Variants in BRIP1 observed in about 807,000 individuals in gnomAD.
The protein encoded by BRIP1 is BRCA1 interacting DNA helicase 1.
BRIP1 carries 88 observed loss-of-function variants against 119.7 expected under a neutral mutation model. The observed-to-expected ratio is 0.74, with a 90% CI of 0.62 to 0.88. The LOEUF (loss-of-function observed/expected upper bound fraction) is 0.88, where lower values mean the gene tolerates loss of function less well. Ranked by LOEUF, BRIP1 falls within the 40% of genes least tolerant of loss-of-function variation. The pLI is 0.00. For synonymous variants in BRIP1, 443 were observed against 496.5 expected (o/e 0.89, Z 1.43); for missense variants, 1,259 against 1,455.4 (o/e 0.87, Z 2.20).
chr17:61,841,772 G>A lies in BRIP1; in HGVS notation c.627+5329C>T, dbSNP rs191509726. The stretch of plus-strand genomic sequence containing the variant: ...ATCTCACCACAGTCTGAAACTCCTA[G>A]AGTCAAGTGATCGCCCATGCCTCAG... On this transcript the variant is annotated intron_variant, in intron 6 of 19. Coordinates refer to ENST00000259008, the MANE Select transcript of BRIP1 (RefSeq NM_032043.3). This position sits in a 1 kb window ranked among gnomAD's most constrained non-coding sequence, Gnocchi z 4.1. Among the ~76,000 whole-genome samples, 565 of 152,222 alleles carry A rather than the reference G, an allele frequency of 3.7e-3. 6 individuals are homozygous for A. Among genetic ancestry groups the A allele is most frequent in the African/African-American group, 0.013 (547 of 41,534 alleles).
rs765476834 is a variant in BRIP1, at chr17:61,832,022, G to C, written c.627+15079C>G. On this transcript the variant is annotated intron_variant, in intron 6 of 19. Coordinates refer to ENST00000259008, the MANE Select transcript of BRIP1 (RefSeq NM_032043.3). The surrounding 1 kb of genome is among the most constrained non-coding windows in gnomAD (Gnocchi z 5.5). Reference sequence around the variant, plus strand: ...TATTCTCTAGCTGTCTGCTGAAAGGGCCTGGAGCAGCAACTCCAACAGCAA... The same window carrying C: ...TATTCTCTAGCTGTCTGCTGAAAGGCCCTGGAGCAGCAACTCCAACAGCAA... Among the ~76,000 whole-genome samples, 2 of 152,260 alleles carry C rather than the reference G, an allele frequency of 1.3e-5. No individual in the cohort carries two copies. Among genetic ancestry groups the C allele is most frequent in the Non-Finnish European group, 2.9e-5 (2 of 68,032 alleles).
rs912423797 is a variant in BRIP1, at chr17:61,713,818, C to T, written c.2492+2133G>A. 6.6e-6 allele frequency among the ~76,000 whole-genome samples: 1 copy of T among 151,432 alleles called. No homozygotes were observed. The highest frequency in any genetic ancestry group is 1.9e-4 in the East Asian group (1 of 5,142). ...TTACAGGCTTCAGCTATTGCGCTCC[C>T]CATGTCTTCATTTTTAACAGAAAAG... On this transcript the variant is annotated intron_variant, in intron 17 of 19. Transcript: ENST00000259008. The surrounding 1 kb of genome is among the most constrained non-coding windows in gnomAD (Gnocchi z 4.9).
chr17:61,772,731 T>C (rs2077474654), intron 14 of BRIP1, among the ~76,000 whole-genome samples: 1 of 142,530 alleles, frequency 7.0e-6, no homozygotes, highest in Non-Finnish European at 1.5e-5. Flanking sequence ...GGCAGGAGAA[T>C]CACTTGAACC....
intron 17 of BRIP1, among the ~76,000 whole-genome samples, chr17:61,696,903 G>A (rs528905183): frequency 5.6e-5 from 8 of 142,770 alleles, no homozygotes; most frequent in African/African-American, 1.3e-4. Flanking sequence ...GGAGAATGGC[G>A]TGAACCTGGG....
chr17:61,855,911 G>T (rs2078890088), intron 4 of BRIP1, among the ~76,000 whole-genome samples: 2 of 152,190 alleles, frequency 1.3e-5, no homozygotes, highest in South Asian at 4.1e-4. Context: ...TAAAGGAAAG[G>T]TACACAAGGA....
rs2061599930 is a variant in BRIP1 at position 61,700,644 on chromosome 17, C to T, written c.2493-7132G>A. 6.6e-6 allele frequency among the ~76,000 whole-genome samples: 1 copy of T among 152,120 alleles called. No homozygotes were observed. The highest frequency in any genetic ancestry group is 1.5e-5 in the Non-Finnish European group (1 of 68,020). On this transcript the variant is annotated intron_variant, in intron 17 of 19. Coordinates refer to ENST00000259008, the MANE Select transcript of BRIP1 (RefSeq NM_032043.3). The surrounding 1 kb of genome is among the most constrained non-coding windows in gnomAD (Gnocchi z 4.1). ...AGATAGGAATCTCCCTGAGTTCATC[C>T]TACTTGGAGTTCGCTTATCTTCTTG...
At chr17:61,786,629 CTAAT>C (rs985362087) in intron 10 of BRIP1, among the ~76,000 whole-genome samples, 6 of 145,444 alleles carry the variant, frequency 4.1e-5, no homozygotes, top group South Asian at 2.1e-4. Context: ...TTTAACAGCT[CTAAT>C]TAATTTTTTA....
At position 61,736,890 on chromosome 17, in the gene BRIP1, G is replaced by C. The variant is rs1233681257; in HGVS notation, c.2379+6123C>G. Among the ~76,000 whole-genome samples the C allele has an allele frequency of 6.6e-6, 1 of 152,126 alleles. No homozygotes were observed. Among genetic ancestry groups the C allele is most frequent in the African/African-American group, 2.4e-5 (1 of 41,434 alleles). ...TAACTGCAGGTGAATACTACAATAT[G>C]CTTTTGAATTGCAATTCCTCTGTTT... On this transcript the variant is annotated intron_variant, in intron 16 of 19. Transcript: ENST00000259008. This position sits in a 1 kb window ranked among gnomAD's most constrained non-coding sequence, Gnocchi z 4.4.
chr17:61,859,358 T>C lies in BRIP1; in HGVS notation c.205+438A>G, dbSNP rs117296725. On this transcript the variant is annotated intron_variant, in intron 3 of 19. Coordinates refer to ENST00000259008, the MANE Select transcript of BRIP1 (RefSeq NM_032043.3). ...TAATAACTCTAAGCATCCAAAACTT[T>C]GTTTGTTTGTTTTCTTTCACCCAGG... Among the ~76,000 whole-genome samples the C allele has an allele frequency of 6.7e-3, 1,016 of 152,174 alleles. 4 individuals carry two copies. Among genetic ancestry groups the C allele is most frequent in the Non-Finnish European group, 0.011 (766 of 67,992 alleles).
In BRIP1 at chr17:61,753,484, T is replaced by C. The variant is rs2077159722; in HGVS notation, c.2098-8893A>G. On this transcript the variant is annotated intron_variant, in intron 14 of 19. Transcript: ENST00000259008. The surrounding 1 kb of genome is among the most constrained non-coding windows in gnomAD (Gnocchi z 4.6). ...TAAGGAAGAAGTCAGAATTTAATTATATATTAGGAAAGCATGACAAAAGAT... is the reference window on the plus strand; with the variant it reads ...TAAGGAAGAAGTCAGAATTTAATTACATATTAGGAAAGCATGACAAAAGAT... Among the ~76,000 whole-genome samples, 1 of 152,158 alleles carries C rather than the reference T, an allele frequency of 6.6e-6. No individual in the cohort carries two copies. Among genetic ancestry groups the C allele is most frequent in the East Asian group, 1.9e-4 (1 of 5,192 alleles).
chr17:61,728,313 C>CAAA lies in BRIP1; in HGVS notation c.2380-12253_2380-12251dup, dbSNP rs1338661426. Among the ~76,000 whole-genome samples the CAAA allele has an allele frequency of 4.9e-3, 554 of 113,184 alleles. 2 individuals carry two copies. Among genetic ancestry groups the CAAA allele is most frequent in the African/African-American group, 0.016 (519 of 32,934 alleles). The allele number at this position is 113,184 out of a possible 152,430, so 74.3% of individuals were successfully genotyped here. A position where few individuals can be genotyped will look rare whatever the true frequency, so the allele number is the denominator to read the frequency against. On this transcript the variant is annotated intron_variant, in intron 16 of 19. Transcript: ENST00000259008. ...ATGCAGACTTCTGATTTCAATAAGT[C>CAAA]AAAAAAAAAAAAAAAACCCCAGACA...
intron 6 of BRIP1, among the ~76,000 whole-genome samples, chr17:61,818,401 G>T (rs1258288273): frequency 1.3e-5 from 2 of 152,120 alleles, no homozygotes; most frequent in African/African-American, 4.8e-5. Flanking sequence ...GGCATAGCAA[G>T]ATCAATTAGT....
intron 16 of BRIP1, among the ~76,000 whole-genome samples, chr17:61,718,365 T>C (rs1567757830): frequency 6.6e-6 from 1 of 152,210 alleles, no homozygotes; most frequent in African/African-American, 2.4e-5. Flanking sequence ...CTACTGATGA[T>C]TGTTTCAAGT....
At chr17:61,685,598 G>A (rs1000653624) in intron 19 of BRIP1, 1 of 538,414 alleles carries the variant, frequency 1.9e-6, no homozygotes, top group Non-Finnish European at 3.3e-6. Context: ...ACTTGCTCAT[G>A]ATCACAAAGC....
rs34051860 is a variant in BRIP1, at chr17:61,719,176, GC to G, written c.2380-3114del. On this transcript the variant is annotated intron_variant, in intron 16 of 19. Transcript: ENST00000259008. ...GAAATCATTATATTGAAGAGACATT[GC>G]CCCCCCCCCATGTTTATTGCAGCAC... is the stretch of plus-strand genomic sequence containing the variant. Among the ~76,000 whole-genome samples, 1,182 of 141,338 alleles carry G rather than the reference GC, an allele frequency of 8.4e-3. 14 individuals are homozygous for G. Among genetic ancestry groups the G allele is most frequent in the East Asian group, 0.023 (109 of 4,736 alleles). 92.7% of individuals were successfully genotyped at this position (141,338 alleles called of 152,430 possible). A position where few individuals can be genotyped will look rare whatever the true frequency, so the allele number is the denominator to read the frequency against.
intron 6 of BRIP1, among the ~76,000 whole-genome samples, chr17:61,826,181 G>T (rs955430283): frequency 9.9e-5 from 15 of 152,092 alleles, no homozygotes; most frequent in Admixed American, 9.2e-4. Context: ...ATGGTGCTGG[G>T]ATAACTCGCT....
rs981335670 is a variant in BRIP1 at position 61,793,189 on chromosome 17, G to A, written c.1473+408C>T. On this transcript the variant is annotated intron_variant, in intron 10 of 19. Transcript: ENST00000259008. The surrounding 1 kb of genome is among the most constrained non-coding windows in gnomAD (Gnocchi z 5.2). ...TGCATATAGCTTCATAAGTTTCATA[G>A]TCTTCCAAAGCCTACTCATGATCTC... Among the ~76,000 whole-genome samples, 9 of 152,034 alleles carry A rather than the reference G, an allele frequency of 5.9e-5. No individual in the cohort carries two copies. The highest frequency in any genetic ancestry group is 2.2e-4 in the African/African-American group (9 of 41,408).
At chr17:61,800,171 A>AT (rs1487924163) in intron 8 of BRIP1, among the ~76,000 whole-genome samples, 2 of 152,106 alleles carry the variant, frequency 1.3e-5, no homozygotes, top group East Asian at 1.9e-4. Flanking sequence ...AGAATCAAGT[A>AT]TTTTTTCTTA....
At position 61,823,796 on chromosome 17, in the gene BRIP1, A is replaced by ACACC. The variant is rs371160215; in HGVS notation, c.628-15040_628-15039insGGTG. 1.1e-3 allele frequency among the ~76,000 whole-genome samples: 163 copies of ACACC among 148,876 alleles called. No homozygotes were observed. The highest frequency in any genetic ancestry group is 1.4e-3 in the Admixed American group (21 of 14,988). On this transcript the variant is annotated intron_variant, in intron 6 of 19. Coordinates refer to ENST00000259008, the MANE Select transcript of BRIP1 (RefSeq NM_032043.3). The surrounding 1 kb of genome is among the most constrained non-coding windows in gnomAD (Gnocchi z 4.8). The stretch of plus-strand genomic sequence containing the variant: ...CACACACACACACACACACACACAC[A>ACACC]CCTTAGTTGAATTGCTGAAAGCAGA...
Sources: gnomAD v4.1 joint callset for allele counts (sites outside exome capture counted in the v4.1 genomes callset) on GRCh38, gnomAD v4.1.1 for gene constraint, Gnocchi (gnomAD v3.1) non-coding constraint, MANE v1.5 for transcripts, NCBI Gene and HGNC (gene_info 2026-07-23, HGNC 2026-07-21) for gene names.